The following GRID2 variants were observed in gnomAD, a reference collection of about 807,000 sequenced individuals.
GRID2 encodes glutamate receptor ionotropic, delta-2.
A neutral mutation model predicts 114.8 loss-of-function variants in GRID2; 33 were observed. That is an observed-to-expected ratio of 0.29 (90% CI 0.22 to 0.38). The LOEUF (loss-of-function observed/expected upper bound fraction) is 0.38, where lower values mean the gene tolerates loss of function less well. Among genes scored for constraint, GRID2 ranks in the 10% least tolerant of loss-of-function variants. GRID2 has a pLI of 1.00. For synonymous variants in GRID2, 505 were observed against 449.9 expected, an observed-to-expected ratio of 1.12 and a Z score of -1.55; for missense variants, 1,184 against 1,257.7, an observed-to-expected ratio of 0.94 and a Z score of 0.89.
rs889611359 is a variant in GRID2 at position 92,331,130 on chromosome 4, G to A, written c.88+26386G>A. Among the ~76,000 whole-genome samples the A allele has an allele frequency of 3.9e-5, 6 of 152,258 alleles. No homozygotes were observed. The South Asian group carries it at 1.2e-3, about 32-fold the overall frequency. ...TTGCAAAACACAGATCATGCAGTTT[G>A]AATCATTATTGCCAAATAATGTGTC... On this transcript the variant is annotated intron_variant, in intron 1 of 15. Coordinates refer to ENST00000282020, the MANE Select transcript of GRID2 (RefSeq NM_001510.4).
intron 14 of GRID2, among the ~76,000 whole-genome samples, chr4:93,694,067 G>A (rs931875951): frequency 2.6e-5 from 4 of 152,094 alleles, no homozygotes; most frequent in Non-Finnish European, 5.9e-5. Flanking sequence ...GTACCATGAC[G>A]GAAAAGAATA....
intron 13 of GRID2, among the ~76,000 whole-genome samples, chr4:93,604,866 T>C (rs1303128912): frequency 6.6e-6 from 1 of 152,218 alleles, no homozygotes; most frequent in African/African-American, 2.4e-5. Context: ...TTTATAAACA[T>C]GATGCCATTG....
chr4:93,339,644 T>C (rs531401535), intron 8 of GRID2, among the ~76,000 whole-genome samples: 1 of 149,186 alleles, frequency 6.7e-6, no homozygotes, highest in Admixed American at 6.6e-5. Flanking sequence ...ACAAATATAG[T>C]GACCTTGTTT....
intron 8 of GRID2, among the ~76,000 whole-genome samples, chr4:93,262,590 C>T (rs1750370559): frequency 6.6e-6 from 1 of 151,896 alleles, no homozygotes; most frequent in Non-Finnish European, 1.5e-5. Flanking sequence ...AACTTACCTA[C>T]TTCTTATGCA....
At chr4:93,397,384 AATT>A (rs1765433714) in intron 9 of GRID2, among the ~76,000 whole-genome samples, 1 of 145,522 alleles carries the variant, frequency 6.9e-6, no homozygotes, top group Non-Finnish European at 1.6e-5. Context: ...AAGTACAGCA[AATT>A]ATTAATAGTC....
At chr4:92,410,353 A>C (rs1731237089) in intron 1 of GRID2, among the ~76,000 whole-genome samples, 1 of 152,264 alleles carries the variant, frequency 6.6e-6, no homozygotes, top group South Asian at 2.1e-4. Context: ...ATTCTTGCTA[A>C]GAACTATATT....
At chr4:93,378,752 A>G (rs779641799) in intron 8 of GRID2, among the ~76,000 whole-genome samples, 9 of 152,040 alleles carry the variant, frequency 5.9e-5, no homozygotes, top group Non-Finnish European at 1.0e-4. Context: ...TTCTGAATCT[A>G]TGTCTTTATT....
chr4:93,277,997 A>G (rs1482818302), intron 8 of GRID2, among the ~76,000 whole-genome samples: 1 of 151,966 alleles, frequency 6.6e-6, no homozygotes, highest in African/African-American at 2.4e-5. Flanking sequence ...AAGACAAGGG[A>G]TTTGAGGTAT....
At position 92,644,486 on chromosome 4, in the gene GRID2, T is replaced by C. The variant is rs1222010899; in HGVS notation, c.244+54200T>C. Among the ~76,000 whole-genome samples the C allele has an allele frequency of 2.0e-5, 3 of 151,746 alleles. No individual in the cohort carries two copies. The South Asian group carries it at 6.2e-4, about 31-fold the overall frequency. ...CTCTCATTTTTATTCAGCTCTTATATTTGCCAGCTTTTGATGTTATGGCTA... is the reference window on the plus strand; with the variant it reads ...CTCTCATTTTTATTCAGCTCTTATACTTGCCAGCTTTTGATGTTATGGCTA... On this transcript the variant is annotated intron_variant, in intron 2 of 15. Coordinates refer to ENST00000282020, the MANE Select transcript of GRID2 (RefSeq NM_001510.4).
chr4:92,446,137 G>A (rs568138111), intron 1 of GRID2, among the ~76,000 whole-genome samples: 10 of 152,184 alleles, frequency 6.6e-5, no homozygotes, highest in Non-Finnish European at 1.3e-4. Flanking sequence ...AGTAGAGACG[G>A]GGTTTCACTA....
chr4:93,143,894 C>G (rs1006089863), intron 4 of GRID2, among the ~76,000 whole-genome samples: 7 of 151,416 alleles, frequency 4.6e-5, no homozygotes, highest in African/African-American at 1.5e-4. Context: ...ATTTTTTTTT[C>G]TATATAGATT....
chr4:92,501,901 T>C (rs930701585), intron 1 of GRID2, among the ~76,000 whole-genome samples: 1 of 152,184 alleles, frequency 6.6e-6, no homozygotes, highest in African/African-American at 2.4e-5. Context: ...ATGAAACAGT[T>C]TGATGATTTT....
chr4:93,281,717 T>C (rs542980142), intron 8 of GRID2, among the ~76,000 whole-genome samples: 1 of 152,156 alleles, frequency 6.6e-6, no homozygotes, highest in Admixed American at 6.6e-5. Context: ...ATATGTAATA[T>C]AAGAAGTTCC....
At chr4:93,271,853 A>G (rs1488422666) in intron 8 of GRID2, among the ~76,000 whole-genome samples, 1 of 152,210 alleles carries the variant, frequency 6.6e-6, no homozygotes, top group Non-Finnish European at 1.5e-5. Context: ...CTACTAAGAA[A>G]TACACAGATG....
chr4:92,762,788 A>G (rs1320452725), intron 2 of GRID2, among the ~76,000 whole-genome samples: 1 of 152,216 alleles, frequency 6.6e-6, no homozygotes, highest in Non-Finnish European at 1.5e-5. Context: ...GATCTGCATT[A>G]CTTTTTATCC....
At chr4:92,857,456 A>G (rs1462694476) in intron 2 of GRID2, among the ~76,000 whole-genome samples, 1 of 152,206 alleles carries the variant, frequency 6.6e-6, no homozygotes, top group Non-Finnish European at 1.5e-5. Flanking sequence ...TGTTGCTGAT[A>G]TAGAGAAAGT....
intron 4 of GRID2, among the ~76,000 whole-genome samples, chr4:93,178,810 A>G (rs1435787874): frequency 6.6e-6 from 1 of 152,046 alleles, no homozygotes; most frequent in Non-Finnish European, 1.5e-5. Flanking sequence ...TTAACTGGTA[A>G]ACACTACCTA....
At chr4:93,775,442 A>ATCCT (rs1363676244), downstream of GRID2, among the ~76,000 whole-genome samples, 1 of 152,166 alleles carries the variant, frequency 6.6e-6, no homozygotes, top group Non-Finnish European at 1.5e-5. Context: ...AATCTCTAGG[A>ATCCT]TCCTTCCTTC....
At chr4:92,927,076 G>T (rs555399173) in intron 2 of GRID2, among the ~76,000 whole-genome samples, 1 of 151,846 alleles carries the variant, frequency 6.6e-6, no homozygotes, top group Admixed American at 6.6e-5. Flanking sequence ...ATAATAAAAT[G>T]AGACAACATC....
Sources: gnomAD v4.1 joint callset for allele counts (sites outside exome capture counted in the v4.1 genomes callset) on GRCh38, gnomAD v4.1.1 for gene constraint, MANE v1.5 for transcripts, NCBI Gene and HGNC (gene_info 2026-07-23, HGNC 2026-07-21) for gene names.